The following CRB1 variants were observed in gnomAD, a reference collection of about 807,000 sequenced individuals.
CRB1 encodes the protein protein crumbs homolog 1.
In CRB1, 83 loss-of-function variants were observed where a neutral mutation model predicts 120.0. The ratio of observed to expected loss-of-function variants is 0.69; its 90% CI spans 0.58 to 0.83. CRB1 has a LOEUF of 0.83. Among genes scored for constraint, CRB1 ranks in the 40% least tolerant of loss-of-function variants. The pLI, the probability that CRB1 is intolerant of heterozygous loss-of-function variation, is 0.00. For synonymous variants in CRB1, 625 were observed against 612.5 expected, an observed-to-expected ratio of 1.02 and a Z score of -0.30; for missense variants, 1,699 against 1,687.6, an observed-to-expected ratio of 1.01 and a Z score of -0.12.
intron 1 of CRB1, among the ~76,000 whole-genome samples, chr1:197,301,352 G>C (rs530219144): frequency 6.6e-6 from 1 of 152,142 alleles, no homozygotes; most frequent in South Asian, 2.1e-4. Flanking sequence ...TTTTAGTAGA[G>C]ACGGGGTTTC....
chr1:197,340,857 G>A (rs1418422504), intron 2 of CRB1, among the ~76,000 whole-genome samples: 2 of 152,114 alleles, frequency 1.3e-5, no homozygotes, highest in Non-Finnish European at 2.9e-5. Context: ...TGCTAATAAA[G>A]ACATACCCTA....
At chr1:197,218,443 C>G in the CRB1 span, among the ~76,000 whole-genome samples, 6 of 152,068 alleles carry the variant, frequency 3.9e-5, no homozygotes, top group African/African-American at 1.4e-4. Context: ...TGACTCAGTG[C>G]CAGTCATGTA....
chr1:197,247,896 C>G, the CRB1 span, among the ~76,000 whole-genome samples: 1 of 152,022 alleles, frequency 6.6e-6, no homozygotes, highest in African/African-American at 2.4e-5. Flanking sequence ...CTTAAATCAT[C>G]TAATTGACCA....
intron 2 of CRB1, among the ~76,000 whole-genome samples, chr1:197,332,476 A>G (rs1571855016): frequency 1.3e-5 from 2 of 152,350 alleles, no homozygotes; most frequent in East Asian, 1.9e-4. Context: ...CTTTCTTGAA[A>G]ACAGAATTTA....
At chr1:197,203,937 C>G in the CRB1 span, among the ~76,000 whole-genome samples, 1 of 151,880 alleles carries the variant, frequency 6.6e-6, no homozygotes, top group Admixed American at 6.6e-5. Context: ...GCCTTTTATC[C>G]CTCACCCCCC....
chr1:197,340,254 G>A (rs887555169), intron 2 of CRB1, among the ~76,000 whole-genome samples: 2 of 152,134 alleles, frequency 1.3e-5, no homozygotes, highest in African/African-American at 2.4e-5. Context: ...TGGGGAAGGA[G>A]GGAGTGAGGA....
chr1:197,370,926 C>T (rs1039990443), intron 5 of CRB1, among the ~76,000 whole-genome samples: 3 of 152,190 alleles, frequency 2.0e-5, no homozygotes. Flanking sequence ...ATGACTGTGA[C>T]TGCCATGCCA....
intron 11 of CRB1, among the ~76,000 whole-genome samples, chr1:197,471,012 C>G (rs1666955262): frequency 6.6e-6 from 1 of 152,092 alleles, no homozygotes; most frequent in Non-Finnish European, 1.5e-5. Flanking sequence ...CCTTATGTTA[C>G]ATCAGTTTTT....
chr1:197,450,957 CAAAA>C lies in CRB1; in HGVS notation c.4005+8686_4005+8689del, dbSNP rs11288525. On this transcript the variant is annotated intron_variant, in intron 11 of 11. Transcript: ENST00000367400. ...CCTGGAAGACAGCGAGACTCCGTCC[CAAAA>C]AAAAAAAAAAAAAAAAAAAAGAAAG... Among the ~76,000 whole-genome samples, 454 of 56,618 alleles carry C rather than the reference CAAAA, an allele frequency of 8.0e-3. 1 individual carries two copies. The highest frequency in any genetic ancestry group is 0.032 in the African/African-American group (433 of 13,330). The allele number at this position is 56,618 out of a possible 152,430, so 37.1% of individuals were successfully genotyped here. A position where few individuals can be genotyped will look rare whatever the true frequency, so the allele number is the denominator to read the frequency against.
chr1:197,407,852 C>G (rs773529682), intron 5 of CRB1, among the ~76,000 whole-genome samples: 3 of 152,160 alleles, frequency 2.0e-5, no homozygotes, highest in Non-Finnish European at 4.4e-5. Context: ...CATGTCCATT[C>G]ATGGATACAT....
At chr1:197,388,408 C>T (rs1662330482) in intron 5 of CRB1, among the ~76,000 whole-genome samples, 1 of 152,028 alleles carries the variant, frequency 6.6e-6, no homozygotes, top group East Asian at 1.9e-4. Flanking sequence ...CACAGCATTA[C>T]AATAAAGCCT....
intron 5 of CRB1, among the ~76,000 whole-genome samples, chr1:197,405,998 A>G (rs1663368933): frequency 6.7e-6 from 1 of 149,332 alleles, no homozygotes. Flanking sequence ...CCGGGAGGTG[A>G]GGGGCGCCTC....
At chr1:197,222,646 A>G in the CRB1 span, 2 of 777,246 alleles carry the variant, frequency 2.6e-6, no homozygotes, top group Non-Finnish European at 4.8e-6. Context: ...GTGTTTGAAG[A>G]CCTTTCAGTC....
intron 5 of CRB1, among the ~76,000 whole-genome samples, chr1:197,390,067 A>G (rs1425723747): frequency 1.3e-5 from 2 of 151,590 alleles, no homozygotes; most frequent in African/African-American, 4.8e-5. Flanking sequence ...TGGGACTGAG[A>G]AGGGGAACAG....
At chr1:197,355,347 C>T (rs372654779) in intron 4 of CRB1, among the ~76,000 whole-genome samples, 212 of 152,320 alleles carry the variant, frequency 1.4e-3, no homozygotes, top group African/African-American at 4.6e-3. Context: ...GTGGATCCCA[C>T]GCAGGGGCCG....
chr1:197,443,418 C>A (rs888834033), intron 11 of CRB1: 3 of 151,888 alleles, frequency 2.0e-5, no homozygotes, highest in African/African-American at 7.2e-5. Context: ...TTCCCTTTTC[C>A]TAACAAATAG....
At chr1:197,347,537 G>T (rs1405821649) in intron 4 of CRB1, 58 bp downstream of exon 4, 7 of 1,514,566 alleles carry the variant, frequency 4.6e-6, no homozygotes, top group Non-Finnish European at 5.5e-6. Flanking sequence ...TACACATATC[G>T]CTTATAGCAA....
intron 2 of CRB1, among the ~76,000 whole-genome samples, chr1:197,330,401 T>C (rs563994191): frequency 2.0e-5 from 3 of 152,326 alleles, no homozygotes; most frequent in African/African-American, 4.8e-5. Context: ...CTGAAGAGCC[T>C]TGAGAGCTTC....
chr1:197,223,754 G>T, the CRB1 span, among the ~76,000 whole-genome samples: 1 of 152,088 alleles, frequency 6.6e-6, no homozygotes, highest in Non-Finnish European at 1.5e-5. Context: ...CTAAAATATG[G>T]ATGTGCTTAT....
Sources: gnomAD v4.1 joint callset for allele counts (sites outside exome capture counted in the v4.1 genomes callset) on GRCh38, gnomAD v4.1.1 for gene constraint, MANE v1.5 for transcripts, NCBI Gene and HGNC (gene_info 2026-07-23, HGNC 2026-07-21) for gene names.